Variants in CBLB observed in about 807,000 individuals in gnomAD.
CBLB encodes the protein Cbl proto-oncogene B.
A neutral mutation model predicts 104.9 loss-of-function variants in CBLB; 31 were observed. That is an observed-to-expected ratio of 0.30 (90% CI 0.22 to 0.40). The LOEUF (loss-of-function observed/expected upper bound fraction) is 0.40. Among genes scored for constraint, CBLB ranks in the 10% least tolerant of loss-of-function variants. CBLB has a pLI of 1.00. For missense variants in CBLB, 1,062 were observed against 1,214.6 expected (o/e 0.87, Z 1.87); for synonymous variants, 440 against 422.6 (o/e 1.04, Z -0.51).
chr3:105,766,092 C>T (rs904420134), intron 4 of CBLB, among the ~76,000 whole-genome samples: 1 of 152,072 alleles, frequency 6.6e-6, no homozygotes, highest in African/African-American at 2.4e-5. Context: ...TCATGGATGA[C>T]TCTGAGGATT....
At chr3:105,831,498 C>A (rs1208099751) in intron 3 of CBLB, among the ~76,000 whole-genome samples, 98 of 152,210 alleles carry the variant, frequency 6.4e-4, no homozygotes, top group East Asian at 1.9e-4. Context: ...GTCTCTACAC[C>A]ACCAACTACA....
In CBLB at chr3:105,762,777, C is replaced by T. The variant is rs1245460799; in HGVS notation, c.567-11159G>A. Among the ~76,000 whole-genome samples, 3 of 152,204 alleles carry T rather than the reference C, an allele frequency of 2.0e-5. No homozygotes were observed. The East Asian group carries it at 5.8e-4, about 29-fold the overall frequency. On this transcript the variant is annotated intron_variant, in intron 4 of 18. Transcript: ENST00000394030. ...GAAATGTGGGGCTGAAGCCCCCACA[C>T]AGAGTCTCCACTGGGGCACTGACTA...
At chr3:105,853,319 C>T in intron 3 of CBLB, 95 bp downstream of exon 3, 3 of 1,313,090 alleles carry the variant, frequency 2.3e-6, no homozygotes, top group South Asian at 1.2e-5. Flanking sequence ...TCACATTTAC[C>T]CCAAAACAAT....
chr3:105,709,380 T>C (rs887555539), intron 10 of CBLB, among the ~76,000 whole-genome samples: 1 of 152,006 alleles, frequency 6.6e-6, no homozygotes, highest in East Asian at 1.9e-4. Flanking sequence ...TGTCCTTGTA[T>C]CTTTTCAATT....
chr3:105,799,741 T>G (rs1345988835), intron 3 of CBLB, among the ~76,000 whole-genome samples: 1 of 152,150 alleles, frequency 6.6e-6, no homozygotes, highest in African/African-American at 2.4e-5. Context: ...ATAGAAATAG[T>G]GACATGGAGT....
chr3:105,836,423 C>T (rs1304475070), intron 3 of CBLB, among the ~76,000 whole-genome samples: 1 of 152,088 alleles, frequency 6.6e-6, no homozygotes. Context: ...TAAGAACTAT[C>T]CAGATAAATT....
intron 9 of CBLB, among the ~76,000 whole-genome samples, chr3:105,729,013 A>G (rs2074007901): frequency 6.6e-6 from 1 of 152,166 alleles, no homozygotes; most frequent in Non-Finnish European, 1.5e-5. Context: ...ATGACTTGCT[A>G]AAAATGCACA....
intron 4 of CBLB, among the ~76,000 whole-genome samples, chr3:105,769,154 A>C (rs2078569076): frequency 6.8e-6 from 1 of 147,878 alleles, no homozygotes; most frequent in Non-Finnish European, 1.5e-5. Context: ...CGTCTACTAA[A>C]CATACAAAAA....
chr3:105,710,188 TGGTA>T (rs2070857001), intron 10 of CBLB, among the ~76,000 whole-genome samples: 3 of 151,918 alleles, frequency 2.0e-5, no homozygotes, highest in Admixed American at 2.0e-4. Context: ...GACTTTTTCA[TGGTA>T]GAGATTTCGC....
chr3:105,869,168 C>T (rs541034492), upstream of CBLB: 4 of 594,788 alleles, frequency 6.7e-6, no homozygotes, highest in East Asian at 7.0e-5. Flanking sequence ...GCGCTGCCGC[C>T]CCGTCCACGT....
At chr3:105,760,190 T>A (rs934129024) in intron 4 of CBLB, among the ~76,000 whole-genome samples, 1 of 152,204 alleles carries the variant, frequency 6.6e-6, no homozygotes, top group Non-Finnish European at 1.5e-5. Flanking sequence ...TTTGCTATAG[T>A]CATAAAATTA....
chr3:105,832,386 G>A (rs930125254), intron 3 of CBLB, among the ~76,000 whole-genome samples: 1 of 152,114 alleles, frequency 6.6e-6, no homozygotes, highest in Admixed American at 6.5e-5. Context: ...GTGGAAAGTG[G>A]TTTTACTTGT....
intron 3 of CBLB, among the ~76,000 whole-genome samples, chr3:105,812,535 A>T (rs1005395071): frequency 2.6e-5 from 4 of 152,240 alleles, no homozygotes; most frequent in Non-Finnish European, 5.9e-5. Context: ...ATTGATGCTA[A>T]GAGGAAGAAA....
intron 9 of CBLB, among the ~76,000 whole-genome samples, chr3:105,733,150 G>A (rs759488892): frequency 2.2e-4 from 33 of 152,038 alleles, no homozygotes; most frequent in Non-Finnish European, 4.3e-4. Context: ...AAGGTCAGGA[G>A]ATCGAGACCA....
chr3:105,760,620 C>CAA (rs11453291), intron 4 of CBLB, among the ~76,000 whole-genome samples: 2 of 147,806 alleles, frequency 1.4e-5, no homozygotes, highest in African/African-American at 2.5e-5. Flanking sequence ...GAATTACAAA[C>CAA]AAAAAAAAAA....
At chr3:105,856,118 G>A (rs1003447949) in intron 2 of CBLB, among the ~76,000 whole-genome samples, 8 of 152,210 alleles carry the variant, frequency 5.3e-5, no homozygotes, top group East Asian at 3.9e-4. Flanking sequence ...TTGGGAGGCC[G>A]AGACAGGCAG....
At chr3:105,715,764 C>T (rs2071761783) in intron 10 of CBLB, among the ~76,000 whole-genome samples, 1 of 152,176 alleles carries the variant, frequency 6.6e-6, no homozygotes, top group African/African-American at 2.4e-5. Flanking sequence ...AGGCACCAGG[C>T]ACGGTGGCTC....
At chr3:105,699,902 T>G (rs2068853711) in intron 12 of CBLB, among the ~76,000 whole-genome samples, 1 of 152,152 alleles carries the variant, frequency 6.6e-6, no homozygotes, top group Non-Finnish European at 1.5e-5. Flanking sequence ...TGAAATTAAC[T>G]GGAGGATATT....
chr3:105,824,330 T>A (rs1321477743), intron 3 of CBLB: 2 of 152,200 alleles, frequency 1.3e-5, no homozygotes, highest in African/African-American at 2.4e-5. Context: ...TGGTGGAGAC[T>A]GTTACCATGG....
Sources: allele counts gnomAD v4.1 joint callset (sites outside exome capture counted in the v4.1 genomes callset), GRCh38; gene constraint gnomAD v4.1.1; transcripts MANE v1.5; gene names NCBI Gene and HGNC (gene_info 2026-07-23, HGNC 2026-07-21).